The following LIPM variants were observed in gnomAD, a reference collection of about 807,000 sequenced individuals.
LIPM encodes lipase family member M.
A neutral mutation model predicts 42.4 loss-of-function variants in LIPM; 42 were observed. The ratio of observed to expected loss-of-function variants is 0.99; its 90% confidence interval spans 0.77 to 1.28. LIPM has a LOEUF of 1.28. LIPM is among the 50% of genes most tolerant of loss of function. LIPM has a pLI of 0.00. For synonymous variants in LIPM, 177 were observed against 173.3 expected, an observed-to-expected ratio of 1.02 and a Z score of -0.17; for missense variants, 524 against 520.1, an observed-to-expected ratio of 1.01 and a Z score of -0.07.
chr10:88,810,935 A>C, intron 2 of LIPM, among the ~76,000 whole-genome samples: 1 of 152,204 alleles, frequency 6.6e-6, no homozygotes, highest in East Asian at 1.9e-4. Context: ...CTCCCTGAGA[A>C]CTAAGAGGAT....
At chr10:88,808,652 A>G (rs1201571776) in intron 2 of LIPM, among the ~76,000 whole-genome samples, 3 of 152,144 alleles carry the variant, frequency 2.0e-5, no homozygotes, top group Non-Finnish European at 2.9e-5. Flanking sequence ...CTCCTTCAAG[A>G]AAAGTTCATT....
intron 2 of LIPM, among the ~76,000 whole-genome samples, chr10:88,810,965 G>T (rs1353096727): frequency 1.3e-5 from 2 of 152,174 alleles, no homozygotes; most frequent in Non-Finnish European, 2.9e-5. Context: ...GACCAGATTA[G>T]ATTTTCAAGG....
chr10:88,808,445 A>G (rs971488853), intron 2 of LIPM, 30 bp downstream of exon 2: 3 of 1,239,606 alleles, frequency 2.4e-6, no homozygotes, highest in Non-Finnish European at 3.5e-6. Context: ...ACCGCAACAC[A>G]GCAGTCTTCT....
chr10:88,805,874 G>A (rs1236825259), intron 1 of LIPM: 1 of 437,114 alleles, frequency 2.3e-6, no homozygotes, highest in Admixed American at 2.6e-5. Context: ...AGTAAGGAAA[G>A]AGATAAATCA....
intron 6 of LIPM, among the ~76,000 whole-genome samples, chr10:88,816,221 C>T (rs1042862738): frequency 2.0e-5 from 3 of 152,100 alleles, no homozygotes; most frequent in Admixed American, 6.5e-5. Flanking sequence ...AATGTATCTG[C>T]CTACAATTGG....
At position 88,820,345 on chromosome 10, in the gene LIPM, G is replaced by A; in HGVS notation, c.1116G>A (p.Val372=). The part of the protein sequence containing the change: ...PEDVKMLLSE[V]TNLIYHKNIP... ...ACGTGAAAATGCTGCTCTCTGAGGTGACCAACCTCATCTACCATAAGAATA... is the reference window on the plus strand; with the variant it reads ...ACGTGAAAATGCTGCTCTCTGAGGTAACCAACCTCATCTACCATAAGAATA... The change falls in exon 9 of 9, where the codon GTG becomes GTA. Residue 372 remains valine, a synonymous_variant. Transcript: ENST00000404743. 1 of 1,552,316 alleles carries A rather than the reference G, an allele frequency of 6.4e-7. No individual in the cohort carries two copies. The highest frequency in any genetic ancestry group is 8.7e-7 in the Non-Finnish European group (1 of 1,147,108).
chr10:88,808,545 G>C (rs1209777768), intron 2 of LIPM, 130 bp downstream of exon 2: 1 of 564,028 alleles, frequency 1.8e-6, no homozygotes. Context: ...TCAAAGGATG[G>C]TGTCAGTTCC....
Position 88,812,854 on chromosome 10 carries a change from C to T in LIPM, c.266-243C>T, listed in dbSNP as rs930243805. Among the ~76,000 whole-genome samples the T allele has an allele frequency of 4.6e-5, 7 of 152,118 alleles. No individual in the cohort carries two copies. Among genetic ancestry groups the T allele is most frequent in the African/African-American group, 7.2e-5 (3 of 41,406 alleles). ...TAAACTTTATAGATTCTTTTTCTGC[C>T]GGGCAACATGCCATCCATTTCTTGT... On this transcript the variant is annotated intron_variant, in intron 2 of 8. Transcript: ENST00000404743.
chr10:88,803,701 C>G (rs774492489), intron 1 of LIPM, among the ~76,000 whole-genome samples: 2 of 150,414 alleles, frequency 1.3e-5, no homozygotes, highest in Non-Finnish European at 2.9e-5. Context: ...ACACTTATCC[C>G]ATAGCAGGGA....
chr10:88,814,690 C>G, intron 4 of LIPM, 51 bp downstream of exon 4: 1 of 1,326,666 alleles, frequency 7.5e-7, no homozygotes, highest in Non-Finnish European at 1.1e-6. Context: ...TGTGAGCATA[C>G]GACACTAGCT....
chr10:88,816,689 T>C, intron 6 of LIPM, 127 bp from the exon 7 acceptor site: 1 of 632,808 alleles, frequency 1.6e-6, no homozygotes, highest in Non-Finnish European at 2.9e-6. Flanking sequence ...TTTTGTTTCA[T>C]AGATAATTGC....
chr10:88,815,996 A>G (rs1843714795), intron 6 of LIPM, among the ~76,000 whole-genome samples: 1 of 152,182 alleles, frequency 6.6e-6, no homozygotes, highest in Admixed American at 6.5e-5. Context: ...CTCTAGGGAT[A>G]ATACCTAGAG....
At position 88,820,517 on chromosome 10, in the gene LIPM, C is replaced by T. The variant is rs765943609; in HGVS notation, c.*16C>T. The T allele has an allele frequency of 1.8e-5, 28 of 1,544,680 alleles. 1 individual carries two copies. The South Asian group carries it at 2.3e-4, about 13-fold the overall frequency. On this transcript the variant is annotated 3_prime_UTR_variant, in exon 9 of 9. Coordinates refer to ENST00000404743, the MANE Select transcript of LIPM (RefSeq NM_001128215.1). The stretch of plus-strand genomic sequence containing the variant: ...CGTATTGTGAAGCATCTGACACTGA[C>T]GATCTTAGGACAACCTCCTGAGGGA...
chr10:88,805,625 A>G (rs1843576646), intron 1 of LIPM, among the ~76,000 whole-genome samples: 1 of 152,200 alleles, frequency 6.6e-6, no homozygotes, highest in South Asian at 2.1e-4. Context: ...GTCATGCACA[A>G]TTTACTATTT....
intron 1 of LIPM, 46 bp from the exon 2 acceptor site, chr10:88,808,252 T>A: frequency 9.5e-7 from 1 of 1,050,756 alleles, no homozygotes; most frequent in South Asian, 1.4e-5. Flanking sequence ...ATTGAGAATA[T>A]GGCCACAGAG....
chr10:88,819,724 C>T (rs1843763977), intron 8 of LIPM, among the ~76,000 whole-genome samples: 1 of 152,088 alleles, frequency 6.6e-6, no homozygotes, highest in African/African-American at 2.4e-5. Flanking sequence ...TGCCATAGGC[C>T]ATGGTTCTGG....
intron 8 of LIPM, among the ~76,000 whole-genome samples, chr10:88,818,785 A>T (rs1176674484): frequency 6.6e-6 from 1 of 152,090 alleles, no homozygotes; most frequent in East Asian, 1.9e-4. Flanking sequence ...TGGATAGTGA[A>T]CTCTCAATCT....
rs781102295 is a variant in LIPM at position 88,813,301 on chromosome 10, T to C, written c.464+6T>C. The C allele has an allele frequency of 6.9e-5, 108 of 1,572,156 alleles. No homozygotes were observed. Among genetic ancestry groups the C allele is most frequent in the Non-Finnish European group, 9.0e-5 (104 of 1,156,294 alleles). ...GATGAGTTCTGGGCTTTCAGGTATA[T>C]GATAATCTCGAGAACAGAGGTAGAC... On this transcript the variant is annotated splice_donor_region_variant and intron_variant, in intron 3 of 8. Coordinates refer to ENST00000404743, the MANE Select transcript of LIPM (RefSeq NM_001128215.1).
At chr10:88,815,681 A>C (rs1335550896) in intron 6 of LIPM, among the ~76,000 whole-genome samples, 178 bp downstream of exon 6, 1 of 152,246 alleles carries the variant, frequency 6.6e-6, no homozygotes, top group Non-Finnish European at 1.5e-5. Context: ...GACTGAAACA[A>C]GGTTAACATA....
Sources: gnomAD v4.1 joint callset for allele counts (sites outside exome capture counted in the v4.1 genomes callset) on GRCh38, gnomAD v4.1.1 for gene constraint, MANE v1.5 for transcripts, NCBI Gene and HGNC (gene_info 2026-07-23, HGNC 2026-07-21) for gene names.